Variants in TNR observed in about 807,000 individuals in gnomAD.
TNR encodes the protein tenascin-R.
Under a neutral mutation model 150.4 loss-of-function variants are expected in TNR, and 45 were observed. That is an observed-to-expected ratio of 0.30 (90% CI 0.24 to 0.38). The LOEUF is 0.38. TNR is among the 10% of genes least tolerant of loss of function. The probability of loss-of-function intolerance (pLI) is 1.00; values close to 1 mark genes in which losing one functional copy is unlikely to be tolerated. For synonymous variants in TNR, 687 were observed against 678.4 expected, an observed-to-expected ratio of 1.01 and a Z score of -0.20; for missense variants, 1,544 against 1,759.1, an observed-to-expected ratio of 0.88 and a Z score of 2.19.
At position 175,442,827 on chromosome 1, in the gene TNR, C is replaced by A. The variant is rs192731772; in HGVS notation, c.-63-36050G>T. On this transcript the variant is annotated intron_variant, in intron 2 of 22. Coordinates refer to ENST00000367674, the MANE Select transcript of TNR (RefSeq NM_003285.3). The stretch of plus-strand genomic sequence containing the variant: ...GATCTAGGAGAACGTAGTCTTGAGA[C>A]AACTCCAAAACAGGTTGTCACACTC... Among the ~76,000 whole-genome samples, 60 of 151,838 alleles carry A rather than the reference C, an allele frequency of 4.0e-4. 2 individuals are homozygous for A. The highest frequency in any genetic ancestry group is 1.0e-3 in the Admixed American group (16 of 15,286).
chr1:175,736,049 G>C (rs755036234), intron 1 of TNR, among the ~76,000 whole-genome samples: 1 of 152,144 alleles, frequency 6.6e-6, no homozygotes, highest in Non-Finnish European at 1.5e-5. Flanking sequence ...TATAAAATTC[G>C]GGTCAACCCA....
chr1:175,671,974 A>G (rs1311906002), intron 1 of TNR, among the ~76,000 whole-genome samples: 2 of 149,198 alleles, frequency 1.3e-5, no homozygotes, highest in Middle Eastern at 3.4e-3. Context: ...AGGAATACCA[A>G]TCTTTAACTG....
chr1:175,374,932 G>C (rs943117982), intron 9 of TNR, among the ~76,000 whole-genome samples: 3 of 152,216 alleles, frequency 2.0e-5, no homozygotes, highest in African/African-American at 7.2e-5. Context: ...AGGTGAGAGA[G>C]AGTGGATGGC....
At chr1:175,598,723 C>A (rs1386399447) in intron 1 of TNR, among the ~76,000 whole-genome samples, 1 of 152,146 alleles carries the variant, frequency 6.6e-6, no homozygotes, top group African/African-American at 2.4e-5. Context: ...GAATATGGGT[C>A]ACATCTGACC....
In TNR at chr1:175,715,126, G is replaced by T. The variant is rs573645136; in HGVS notation, c.-165+28100C>A. ...CCCCAGCACAGATGCACTGAAACAG[G>T]TTCTGCATTTAACAATATCCCCACA... On this transcript the variant is annotated intron_variant, in intron 1 of 22. Transcript: ENST00000367674. Among the ~76,000 whole-genome samples, 82 of 152,302 alleles carry T rather than the reference G, an allele frequency of 5.4e-4. No individual in the cohort carries two copies. The Middle Eastern group carries it at 0.017, about 32-fold the overall frequency.
At chr1:175,351,699 G>A (rs1445088766) in intron 18 of TNR, among the ~76,000 whole-genome samples, 1 of 152,200 alleles carries the variant, frequency 6.6e-6, no homozygotes, top group Non-Finnish European at 1.5e-5. Context: ...AAATCTCCAA[G>A]ACAAAGCCAG....
At chr1:175,554,683 C>T (rs1046267466) in intron 1 of TNR, among the ~76,000 whole-genome samples, 7 of 152,194 alleles carry the variant, frequency 4.6e-5, no homozygotes, top group African/African-American at 1.7e-4. Context: ...GGACAGGCTC[C>T]CAGCTCCATG....
intron 2 of TNR, among the ~76,000 whole-genome samples, chr1:175,484,911 A>G (rs979209103): frequency 6.6e-6 from 1 of 152,188 alleles, no homozygotes; most frequent in African/African-American, 2.4e-5. Context: ...TGTTCCTTCC[A>G]GAAAATAACG....
chr1:175,622,531 C>T (rs543521400), intron 1 of TNR, among the ~76,000 whole-genome samples: 2 of 152,288 alleles, frequency 1.3e-5, no homozygotes, highest in East Asian at 1.9e-4. Context: ...CCCTCTAGCC[C>T]GATATCCACG....
chr1:175,501,230 G>A (rs1571528746), intron 2 of TNR, among the ~76,000 whole-genome samples: 1 of 152,244 alleles, frequency 6.6e-6, no homozygotes, highest in East Asian at 1.9e-4. Context: ...CTCTCCTGTT[G>A]GCCTGGAAGG....
chr1:175,700,694 C>A (rs142682552), intron 1 of TNR, among the ~76,000 whole-genome samples: 1 of 152,206 alleles, frequency 6.6e-6, no homozygotes, highest in Non-Finnish European at 1.5e-5. Context: ...GTGTTCCATA[C>A]ATCAGGTGAC....
At chr1:175,547,578 A>T (rs1660741032) in intron 1 of TNR, among the ~76,000 whole-genome samples, 1 of 26,392 alleles carries the variant, frequency 3.8e-5, no homozygotes, top group African/African-American at 7.6e-5. Flanking sequence ...AGAAAGAAAG[A>T]AAGAAAGAAA....
intron 2 of TNR, among the ~76,000 whole-genome samples, chr1:175,435,480 GA>G (rs1655463334): frequency 1.3e-5 from 2 of 152,224 alleles, no homozygotes; most frequent in South Asian, 4.1e-4. Context: ...GGGGACATAT[GA>G]AATTTGAGAT....
chr1:175,630,893 G>A (rs923544116), intron 1 of TNR, among the ~76,000 whole-genome samples: 1 of 152,242 alleles, frequency 6.6e-6, no homozygotes, highest in East Asian at 1.9e-4. Flanking sequence ...CAGGGCCCAG[G>A]CCTCTGCATG....
intron 1 of TNR, among the ~76,000 whole-genome samples, chr1:175,559,795 T>C (rs1661348537): frequency 6.6e-6 from 1 of 152,220 alleles, no homozygotes; most frequent in South Asian, 2.1e-4. Context: ...TATTTATATG[T>C]GACTTCTTAT....
chr1:175,472,619 A>G (rs1657353585), intron 2 of TNR, among the ~76,000 whole-genome samples: 1 of 152,166 alleles, frequency 6.6e-6, no homozygotes, highest in South Asian at 2.1e-4. Flanking sequence ...TTATAATCGT[A>G]TGGGACCACT....
intron 1 of TNR, among the ~76,000 whole-genome samples, chr1:175,649,918 G>A (rs1664905107): frequency 6.6e-6 from 1 of 152,070 alleles, no homozygotes; most frequent in African/African-American, 2.4e-5. Context: ...CCTGGAAGAT[G>A]TTTCCCTCAT....
At chr1:175,680,964 GT>G (rs1666016605) in intron 1 of TNR, among the ~76,000 whole-genome samples, 2 of 152,172 alleles carry the variant, frequency 1.3e-5, no homozygotes, top group Non-Finnish European at 2.9e-5. Context: ...AACCTCAGTT[GT>G]TTCCCCCTGT....
chr1:175,410,558 G>A (rs66482668), intron 2 of TNR, among the ~76,000 whole-genome samples: 50,521 of 152,038 alleles, frequency 0.33, 9,145 homozygotes, highest in East Asian at 0.52. Context: ...CATCAGTGTC[G>A]TTTGCCAAAT....
Sources: gnomAD v4.1 joint callset for allele counts (sites outside exome capture counted in the v4.1 genomes callset) on GRCh38, gnomAD v4.1.1 for gene constraint, MANE v1.5 for transcripts, NCBI Gene and HGNC (gene_info 2026-07-23, HGNC 2026-07-21) for gene names.